The following CACNA2D2 variants were observed in gnomAD, a reference collection of about 807,000 sequenced individuals.
The protein encoded by CACNA2D2 is voltage-dependent calcium channel subunit alpha-2/delta-2.
CACNA2D2 carries 48 observed loss-of-function variants against 166.4 expected under a neutral mutation model. The ratio of observed to expected loss-of-function variants is 0.29; its 90% confidence interval spans 0.23 to 0.37. The LOEUF (loss-of-function observed/expected upper bound fraction) is 0.37. Among genes scored for constraint, CACNA2D2 ranks in the 10% least tolerant of loss-of-function variants. The pLI, the probability that CACNA2D2 is intolerant of heterozygous loss-of-function variation, is 1.00. For synonymous variants in CACNA2D2, 561 were observed against 573.7 expected, an observed-to-expected ratio of 0.98 and a Z score of 0.32; for missense variants, 1,122 against 1,433.0, an observed-to-expected ratio of 0.78 and a Z score of 3.50.
chr3:50,387,663 G>C (rs1396942179), intron 4 of CACNA2D2, 51 bp from the exon 5 acceptor site: 1 of 1,441,572 alleles, frequency 6.9e-7, no homozygotes, highest in Non-Finnish European at 9.7e-7. Flanking sequence ...TCCCGAGACA[G>C]ACAGGACTCC....
chr3:50,413,116 C>T (rs527632388), intron 3 of CACNA2D2, among the ~76,000 whole-genome samples: 11 of 152,266 alleles, frequency 7.2e-5, no homozygotes, highest in Middle Eastern at 3.4e-3. Context: ...AAAATCCCAC[C>T]CAGCTGCTGC....
At chr3:50,500,329 G>A (rs1698907153) in intron 1 of CACNA2D2, among the ~76,000 whole-genome samples, 1 of 152,152 alleles carries the variant, frequency 6.6e-6, no homozygotes, top group African/African-American at 2.4e-5. Flanking sequence ...CAGTCAGGTG[G>A]GCCAGCTCAG....
intron 1 of CACNA2D2, among the ~76,000 whole-genome samples, chr3:50,483,498 CT>C (rs1254918296): frequency 6.6e-6 from 1 of 152,206 alleles, no homozygotes; most frequent in African/African-American, 2.4e-5. Context: ...AATTGGTGCT[CT>C]GCTGGGAGGC....
rs1704114520 is a variant in CACNA2D2 at position 50,364,671 on chromosome 3, G to C, written c.3427C>G (p.Leu1143Val). The C allele has an allele frequency of 6.6e-7, 1 of 1,525,714 alleles. No homozygotes were observed. Among genetic ancestry groups the C allele is most frequent in the Non-Finnish European group, 8.8e-7 (1 of 1,134,566 alleles). The allele number at this position is 1,525,714 out of a possible 1,614,324, so 94.5% of individuals were successfully genotyped here. Residue 1143 changes from leucine to valine, a missense_variant, in exon 38 of 38, where the codon CTC (leucine) becomes GTC (valine). Transcript: ENST00000424201. Reference sequence around the variant, plus strand: ...GGTGGGGTGGGGCAGGGTGCTCAGAGGCGGCGAGAGGCGTGGACGAGGACT... The same window carrying C: ...GGTGGGGTGGGGCAGGGTGCTCAGACGCGGCGAGAGGCGTGGACGAGGACT... ...PQVLVHASRR[L>V] is the part of the protein sequence containing the mutation.
At chr3:50,372,927 A>G in intron 22 of CACNA2D2, 1 of 670,380 alleles carries the variant, frequency 1.5e-6, no homozygotes, top group Non-Finnish European at 2.6e-6. Flanking sequence ...GGCAAGAACT[A>G]GAGGAGCCAA....
At chr3:50,453,658 A>G (rs1032512520) in intron 2 of CACNA2D2, among the ~76,000 whole-genome samples, 2 of 152,200 alleles carry the variant, frequency 1.3e-5, no homozygotes, top group Non-Finnish European at 2.9e-5. Flanking sequence ...TTTGCACCCC[A>G]TCTGTCTGAA....
In CACNA2D2 at chr3:50,379,840, A is replaced by C. The variant is rs1016960758; in HGVS notation, c.894-16T>G. On this transcript the variant is annotated splice_polypyrimidine_tract_variant and intron_variant, in intron 9 of 37. Transcript: ENST00000424201. This position sits in a 1 kb window ranked among gnomAD's most constrained non-coding sequence, Gnocchi z 6.5. ...ACTGCCACTCCTGGAGAGGTCAGGC[A>C]GGGGACGTGGAGGAGCCAGGGGAAC... 1 of 1,613,688 alleles carries C rather than the reference A, an allele frequency of 6.2e-7. No homozygotes were observed. The highest frequency in any genetic ancestry group is 8.5e-7 in the Non-Finnish European group (1 of 1,179,814).
chr3:50,459,772 G>T lies in CACNA2D2; in HGVS notation c.288+16346C>A, dbSNP rs1167508616. On this transcript the variant is annotated intron_variant, in intron 2 of 37. Transcript: ENST00000424201. ...ATGCCCTCTGACCCCAGGTGACTGG[G>T]AACTGCTCACTGCTGCACCCCACCA... Among the ~76,000 whole-genome samples the T allele has an allele frequency of 1.1e-4, 17 of 152,218 alleles. No individual in the cohort carries two copies. The East Asian group carries it at 3.3e-3, about 29-fold the overall frequency.
At position 50,380,030 on chromosome 3, in the gene CACNA2D2, A is replaced by G. The variant is rs1705220294; in HGVS notation, c.843-12T>C. 1 of 1,613,956 alleles carries G rather than the reference A, an allele frequency of 6.2e-7. No homozygotes were observed. Among genetic ancestry groups the G allele is most frequent in the Non-Finnish European group, 8.5e-7 (1 of 1,179,986 alleles). On this transcript the variant is annotated splice_polypyrimidine_tract_variant and intron_variant, in intron 8 of 37. Coordinates refer to ENST00000424201, the MANE Select transcript of CACNA2D2 (RefSeq NM_006030.4). The surrounding 1 kb of genome is among the most constrained non-coding windows in gnomAD (Gnocchi z 4.9). The stretch of plus-strand genomic sequence containing the variant: ...CCCCCTGGATATACCTGCCCAGGAG[A>G]TGCCTCTGTTAGGGTAAGGCCCACT...
At chr3:50,395,107 C>A (rs182034939) in intron 3 of CACNA2D2, among the ~76,000 whole-genome samples, 1 of 152,184 alleles carries the variant, frequency 6.6e-6, no homozygotes, top group Non-Finnish European at 1.5e-5. Context: ...GCCTCGGGGG[C>A]CTTCTGCAGA....
At chr3:50,368,686 AACTC>A (rs1196549056) in intron 23 of CACNA2D2, among the ~76,000 whole-genome samples, 3 of 152,186 alleles carry the variant, frequency 2.0e-5, no homozygotes, top group Admixed American at 2.0e-4. Flanking sequence ...GCCGTTAGGT[AACTC>A]ACTCACGCTC....
intron 23 of CACNA2D2, among the ~76,000 whole-genome samples, chr3:50,369,634 G>C (rs1704542934): frequency 6.6e-6 from 1 of 152,264 alleles, no homozygotes; most frequent in Non-Finnish European, 1.5e-5. Flanking sequence ...CCAAGCCTGG[G>C]TCATGGAAGG....
At chr3:50,450,519 G>A (rs1002857095) in intron 2 of CACNA2D2, among the ~76,000 whole-genome samples, 2 of 152,152 alleles carry the variant, frequency 1.3e-5, no homozygotes, top group Non-Finnish European at 2.9e-5. Flanking sequence ...CCATCACCCT[G>A]CTCTCGCCCA....
chr3:50,391,087 TCAGGAAGGCCAC>T (rs1215337828), intron 4 of CACNA2D2, among the ~76,000 whole-genome samples: 2 of 152,208 alleles, frequency 1.3e-5, no homozygotes, highest in Non-Finnish European at 2.9e-5. Flanking sequence ...GACCCTCAGG[TCAGGAAGGCCAC>T]CTGTCCTGTC....
rs587751221 is a variant in CACNA2D2, at chr3:50,378,697, G to A, written c.1339+218C>T. ...CGCAGGAGTAGACAAGCTGGGGGAC[G>A]GTTGGACAATGGACAGACAGACGGG... On this transcript the variant is annotated intron_variant, in intron 13 of 37. Coordinates refer to ENST00000424201, the MANE Select transcript of CACNA2D2 (RefSeq NM_006030.4). Among the ~76,000 whole-genome samples, 6 of 152,330 alleles carry A rather than the reference G, an allele frequency of 3.9e-5. No homozygotes were observed. In the South Asian group the frequency reaches 1.2e-3, roughly 32 times the overall value.
At chr3:50,429,592 C>CAAAAAAAAAAAAA (rs1160685582) in intron 3 of CACNA2D2, among the ~76,000 whole-genome samples, 2 of 52,644 alleles carry the variant, frequency 3.8e-5, no homozygotes, top group Admixed American at 2.6e-4. Context: ...ACTAAAAATA[C>CAAAAAAAAAAAAA]AAAAAAAAAA....
At chr3:50,496,680 A>G (rs535384958) in intron 1 of CACNA2D2, among the ~76,000 whole-genome samples, 51 of 152,344 alleles carry the variant, frequency 3.3e-4, no homozygotes, top group Non-Finnish European at 6.3e-4. Context: ...CTCACAGTCT[A>G]TCACACCCCA....
chr3:50,464,740 A>C (rs1709754891), intron 2 of CACNA2D2, among the ~76,000 whole-genome samples: 1 of 152,236 alleles, frequency 6.6e-6, no homozygotes, highest in Non-Finnish European at 1.5e-5. Context: ...TCTACCACTT[A>C]GCAACGGAGA....
chr3:50,371,188 G>A (rs1244076972), intron 22 of CACNA2D2, among the ~76,000 whole-genome samples: 2 of 152,128 alleles, frequency 1.3e-5, no homozygotes, highest in African/African-American at 2.4e-5. Context: ...GCGTGGAGAC[G>A]GGCTGGGTCT....
Sources: gnomAD v4.1 joint callset for allele counts (sites outside exome capture counted in the v4.1 genomes callset) on GRCh38, gnomAD v4.1.1 for gene constraint, Gnocchi (gnomAD v3.1) non-coding constraint, MANE v1.5 for transcripts, NCBI Gene and HGNC (gene_info 2026-07-23, HGNC 2026-07-21) for gene names.